The following ABCA2 variants were observed in gnomAD, a reference collection of about 807,000 sequenced individuals.
ABCA2 encodes the protein ATP-binding cassette sub-family A member 2.
ABCA2 carries 84 observed loss-of-function variants against 262.8 expected under a neutral mutation model. The ratio of observed to expected loss-of-function variants is 0.32; its 90% CI spans 0.27 to 0.38. ABCA2 has a LOEUF of 0.38. Ranked by LOEUF, ABCA2 falls within the 10% of genes least tolerant of loss-of-function variation. The pLI, the probability that ABCA2 is intolerant of heterozygous loss-of-function variation, is 1.00. For synonymous variants in ABCA2, 1,696 were observed against 1,502.9 expected (o/e 1.13, Z -2.97); for missense variants, 2,662 against 3,405.9 (o/e 0.78, Z 5.44).
Position 137,022,451 on chromosome 9 carries a change from G to C in ABCA2, c.467C>G (p.Ala156Gly). The change falls in exon 6 of 49, where the codon GCC becomes GGC. Residue 156 changes from alanine (A) to glycine (G), a missense_variant. By Grantham distance (60) the Ala-to-Gly change is moderately conservative. Transcript: ENST00000341511. Reference protein sequence around the residue: ...TVSSFSLDSVARNPQELWRFL... With the variant: ...TVSSFSLDSVGRNPQELWRFL... ...ACGCCAGAGCTCCTGCGGGTTTCTG[G>C]CCACCGAGTCCAGAGAGAAGGAAGA... 6.2e-7 allele frequency: 1 copy of C among 1,611,970 alleles called. No homozygotes were observed. The highest frequency in any genetic ancestry group is 8.5e-7 in the Non-Finnish European group (1 of 1,179,732).
At position 137,017,703 on chromosome 9, in the gene ABCA2, G is replaced by A; in HGVS notation, c.2212-11C>T. On this transcript the variant is annotated splice_polypyrimidine_tract_variant and intron_variant, in intron 16 of 48. Coordinates refer to ENST00000341511, the MANE Select transcript of ABCA2 (RefSeq NM_001606.5). ...CATGGTCTTCATCACCTGCGGGTGG[G>A]CCAGGGGCTTGGGGCAGGCCCCGGG... 1.9e-6 allele frequency: 3 copies of A among 1,608,044 alleles called. No individual in the cohort carries two copies. Among genetic ancestry groups the A allele is most frequent in the Non-Finnish European group, 2.6e-6 (3 of 1,176,154 alleles).
intron 22 of ABCA2, 26 bp from the exon 23 acceptor site, chr9:137,015,897 G>T (rs368268301): frequency 1.9e-6 from 3 of 1,607,406 alleles, no homozygotes; most frequent in Non-Finnish European, 8.5e-7. Context: ...GGGGCATGGG[G>T]CTGCTGCTAT....
At position 137,009,255 on chromosome 9, in the gene ABCA2, G is replaced by GC. The variant is rs1315582538; in HGVS notation, c.6827+114dup. On this transcript the variant is annotated intron_variant, in intron 45 of 48. Coordinates refer to ENST00000341511, the MANE Select transcript of ABCA2 (RefSeq NM_001606.5). ...AGTCCCCCCAGCCCCAGTGCCCCCAGCCCCCCTGGCCCCACAGCCCTCACA... is the reference window on the plus strand; with the variant it reads ...AGTCCCCCCAGCCCCAGTGCCCCCAGCCCCCCCTGGCCCCACAGCCCTCACA... 15 of 364,952 alleles carry GC rather than the reference G, an allele frequency of 4.1e-5. No homozygotes were observed. In the East Asian group the frequency reaches 7.6e-4, roughly 18 times the overall value. 22.6% of individuals were successfully genotyped at this position (364,952 alleles called of 1,614,324 possible).
In ABCA2 at chr9:137,014,942, T is replaced by C; in HGVS notation, c.3853A>G (p.Lys1285Glu). 1 of 1,565,858 alleles carries C rather than the reference T, an allele frequency of 6.4e-7. No individual in the cohort carries two copies. The highest frequency in any genetic ancestry group is 8.7e-7 in the Non-Finnish European group (1 of 1,152,740). ...AAGAGGCGCTCGAAAGCCCCCTTCTTGGCGGCCTCGCTGGGCAGGATGTAG... is the reference window on the plus strand; with the variant it reads ...AAGAGGCGCTCGAAAGCCCCCTTCTCGGCGGCCTCGCTGGGCAGGATGTAG... The part of the protein sequence containing the change: ...LSYILPSEAA[K>E]KGAFERLFQH... The change falls in exon 25 of 49, where the codon AAG becomes GAG. Residue 1285 changes from lysine (K) to glutamate (E), a missense_variant. Lys to Glu is a moderately conservative substitution (Grantham distance 56, BLOSUM62 1). Coordinates refer to ENST00000341511, the MANE Select transcript of ABCA2 (RefSeq NM_001606.5).
At chr9:137,026,598 G>A (rs1257278846) in intron 1 of ABCA2, among the ~76,000 whole-genome samples, 1 of 152,164 alleles carries the variant, frequency 6.6e-6, no homozygotes. Flanking sequence ...AAGGTCCTGG[G>A]GGGCAGCCCA....
rs532007169 is a variant in ABCA2 at position 137,007,778 on chromosome 9, T to A, written c.*151A>T. On this transcript the variant is annotated 3_prime_UTR_variant, in exon 49 of 49. Coordinates refer to ENST00000341511, the MANE Select transcript of ABCA2 (RefSeq NM_001606.5). Reference sequence around the variant, plus strand: ...GCAGTGACCACAGGGCATGGCCGAGTACAGGGGCTGGAGGACCAGAAGCCC... The same window carrying A: ...GCAGTGACCACAGGGCATGGCCGAGAACAGGGGCTGGAGGACCAGAAGCCC... The A allele has an allele frequency of 9.1e-7, 1 of 1,097,688 alleles. No homozygotes were observed. The highest frequency in any genetic ancestry group is 1.6e-5 in the African/African-American group (1 of 64,238). 68.0% of individuals were successfully genotyped at this position (1,097,688 alleles called of 1,614,324 possible). A position where few individuals can be genotyped will look rare whatever the true frequency, so the allele number is the denominator to read the frequency against.
At position 137,016,943 on chromosome 9, in the gene ABCA2, C is replaced by T; in HGVS notation, c.2735G>A (p.Trp912Ter). ...ACCTGGGTGCACAGCCTCAATGTACCACGTGAGGATGCCATAGACCACGGC... is the reference window on the plus strand; with the variant it reads ...ACCTGGGTGCACAGCCTCAATGTACTACGTGAGGATGCCATAGACCACGGC... ...VDAVVYGILT[W>*]YIEAVHPGMY... The change falls in exon 19 of 49, where the codon TGG becomes TAG. Residue 912 changes from tryptophan (W) to a stop codon, truncating the protein, a stop_gained. Coordinates refer to ENST00000341511, the MANE Select transcript of ABCA2 (RefSeq NM_001606.5). LOFTEE classifies it high-confidence loss of function. The T allele has an allele frequency of 6.2e-7, 1 of 1,612,686 alleles. No individual in the cohort carries two copies. Among genetic ancestry groups the T allele is most frequent in the Non-Finnish European group, 8.5e-7 (1 of 1,179,968 alleles).
chr9:137,022,728 G>T lies in ABCA2; in HGVS notation c.413C>A (p.Ser138Ter). 6.2e-7 allele frequency: 1 copy of T among 1,606,260 alleles called. No homozygotes were observed. Among genetic ancestry groups the T allele is most frequent in the Non-Finnish European group, 8.5e-7 (1 of 1,178,368 alleles). ...TGTGGATCTGTCCAGGTGGCTCCCCGAGGTGCCCGGGCCCGCACTGAGGGC... is the reference window on the plus strand; with the variant it reads ...TGTGGATCTGTCCAGGTGGCTCCCCTAGGTGCCCGGGCCCGCACTGAGGGC... The part of the protein sequence containing the change: ...LEALSAGPGT[S>*]GSHLDRSTVS... The change falls in exon 5 of 49, where the codon TCG (serine) becomes TAG (stop). Residue 138 changes from serine to a stop codon, truncating the protein, a stop_gained. Coordinates refer to ENST00000341511, the MANE Select transcript of ABCA2 (RefSeq NM_001606.5). LOFTEE classifies it high-confidence loss of function.
intron 26 of ABCA2, 47 bp downstream of exon 26, chr9:137,014,643 G>A (rs924506444): frequency 6.3e-7 from 1 of 1,582,312 alleles, no homozygotes; most frequent in Non-Finnish European, 8.6e-7. Flanking sequence ...GCCCGAGCTG[G>A]GGCCTTGTGG....
In ABCA2 at chr9:137,010,507, A is replaced by G. The variant is rs774239314; in HGVS notation, c.6174+113T>C. The G allele has an allele frequency of 1.0e-5, 7 of 702,398 alleles. No homozygotes were observed. In the African/African-American group the frequency reaches 2.3e-4, roughly 23 times the overall value. 43.5% of individuals were successfully genotyped at this position (702,398 alleles called of 1,614,324 possible). ...CACAGCCCCACCCCATGCAGGCCCC[A>G]CCCCCAGAGCTCAGGGCCCTGCCCA... On this transcript the variant is annotated intron_variant, in intron 40 of 48. Coordinates refer to ENST00000341511, the MANE Select transcript of ABCA2 (RefSeq NM_001606.5).
At chr9:137,014,533 A>C in intron 26 of ABCA2, 129 bp from the exon 27 acceptor site, 1 of 1,447,422 alleles carries the variant, frequency 6.9e-7, no homozygotes, top group Non-Finnish European at 9.3e-7. Context: ...GGCCACCAGG[A>C]CCACCCACCT....
Position 137,028,197 on chromosome 9 carries a change from C to T in ABCA2, c.-57G>A. The T allele has an allele frequency of 1.0e-6, 1 of 978,094 alleles. No individual in the cohort carries two copies. The highest frequency in any genetic ancestry group is 1.2e-6 in the Non-Finnish European group (1 of 825,854). 60.6% of individuals were successfully genotyped at this position (978,094 alleles called of 1,614,324 possible). On this transcript the variant is annotated 5_prime_UTR_variant, in exon 1 of 49. Transcript: ENST00000341511. The surrounding 1 kb of genome is among the most constrained non-coding windows in gnomAD (Gnocchi z 6.9). ...CGGCCCGCTCCTCTGCGCGCCCCGCCGGGCCCCGCAGCCCGCCGCGCCGCT... is the reference window on the plus strand; with the variant it reads ...CGGCCCGCTCCTCTGCGCGCCCCGCTGGGCCCCGCAGCCCGCCGCGCCGCT...
intron 45 of ABCA2, 42 bp downstream of exon 45, chr9:137,009,328 C>A: frequency 3.7e-6 from 4 of 1,086,770 alleles, no homozygotes; most frequent in East Asian, 2.6e-5. Flanking sequence ...GCCGCCCCCC[C>A]CGGGCCCGCC....
chr9:137,016,451 C>T lies in ABCA2; in HGVS notation c.2944G>A (p.Glu982Lys). Reference protein sequence around the residue: ...RRFEETRGMEEEPTHLPLVVC... With the variant: ...RRFEETRGMEKEPTHLPLVVC... ...ACCAGAGGCAGGTGGGTGGGCTCCT[C>T]CTCCATGCCACGGGTCTCCTCTGCA... The change falls in exon 21 of 49, where the codon GAG becomes AAG. Residue 982 changes from glutamate (E) to lysine (K), a missense_variant. This residue lies in a region of ABCA2 where 133 missense variants were observed against 150.8 expected (regional missense o/e 0.88). Coordinates refer to ENST00000341511, the MANE Select transcript of ABCA2 (RefSeq NM_001606.5). 6.2e-7 allele frequency: 1 copy of T among 1,612,794 alleles called. No individual in the cohort carries two copies. Among genetic ancestry groups the T allele is most frequent in the African/African-American group, 1.3e-5 (1 of 75,052 alleles).
intron 46 of ABCA2, 39 bp downstream of exon 46, chr9:137,008,912 C>A: frequency 1.3e-6 from 2 of 1,585,470 alleles, no homozygotes; most frequent in East Asian, 2.3e-5. Flanking sequence ...CCCCCCACCC[C>A]GTAGCGCCCC....
Position 137,014,160 on chromosome 9 carries a change from A to C in ABCA2, c.4240+8T>G, listed in dbSNP as rs1831169300. On this transcript the variant is annotated splice_region_variant and intron_variant, in intron 27 of 48. Coordinates refer to ENST00000341511, the MANE Select transcript of ABCA2 (RefSeq NM_001606.5). ...CTTGCTGTCCCAGCCTCACCCTGCC[A>C]CCCCCACCTTGCAGGCTGACATTGT... The C allele has an allele frequency of 6.2e-7, 1 of 1,601,966 alleles. No homozygotes were observed.
intron 28 of ABCA2, 129 bp from the exon 29 acceptor site, chr9:137,013,692 C>A: frequency 7.5e-7 from 1 of 1,339,074 alleles, no homozygotes; most frequent in Non-Finnish European, 1.0e-6. Flanking sequence ...ACAGGACTCC[C>A]GGATGAACCC....
At chr9:137,028,466 G>T (rs1028265981), upstream of ABCA2, among the ~76,000 whole-genome samples, 16 of 150,736 alleles carry the variant, frequency 1.1e-4, no homozygotes, top group African/African-American at 3.9e-4. The surrounding 1 kb of genome is among the most constrained non-coding windows in gnomAD (Gnocchi z 6.9). Flanking sequence ...CTCGCCGGGC[G>T]TCACGCGACG....
In ABCA2 at chr9:137,016,953, T is replaced by A. The variant is rs1831279108; in HGVS notation, c.2725A>T (p.Ile909Phe). 6.2e-7 allele frequency: 1 copy of A among 1,612,668 alleles called. No individual in the cohort carries two copies. The highest frequency in any genetic ancestry group is 1.1e-5 in the South Asian group (1 of 91,074). Residue 909 changes from isoleucine (I) to phenylalanine (F), a missense_variant, in exon 19 of 49, where the codon ATC becomes TTC. Coordinates refer to ENST00000341511, the MANE Select transcript of ABCA2 (RefSeq NM_001606.5). ...ACAGCCTCAATGTACCACGTGAGGATGCCATAGACCACGGCGTCCACCATC... is the reference window on the plus strand; with the variant it reads ...ACAGCCTCAATGTACCACGTGAGGAAGCCATAGACCACGGCGTCCACCATC... ...MLMVDAVVYG[I>F]LTWYIEAVHP...
Sources: allele counts gnomAD v4.1 joint callset (sites outside exome capture counted in the v4.1 genomes callset), GRCh38; gene constraint gnomAD v4.1.1; regional missense constraint gnomAD v4.1.1; non-coding constraint Gnocchi (gnomAD v3.1); transcripts MANE v1.5; gene names NCBI Gene and HGNC (gene_info 2026-07-23, HGNC 2026-07-21).